Variants in PRKAR1A observed in about 807,000 individuals in gnomAD.
The protein encoded by PRKAR1A is cAMP-dependent protein kinase type I-alpha regulatory subunit.
Under a neutral mutation model 52.0 loss-of-function variants are expected in PRKAR1A, and 3 were observed. The observed-to-expected ratio is 0.06, with a 90% CI of 0.03 to 0.15. The LOEUF is 0.15. Among genes scored for constraint, PRKAR1A ranks in the 10% least tolerant of loss-of-function variants. PRKAR1A has a pLI of 1.00. For missense variants in PRKAR1A, 240 were observed against 477.4 expected, an observed-to-expected ratio of 0.50 and a Z score of 4.63; for synonymous variants, 188 against 168.4, an observed-to-expected ratio of 1.12 and a Z score of -0.90.
At chr17:68,422,738 A>AG in the PRKAR1A span, 211 of 151,078 alleles carry the variant, frequency 1.4e-3, no homozygotes, top group African/African-American at 4.9e-3. Flanking sequence ...TCTCAAAAAA[A>AG]AAAAAAAAAA....
In PRKAR1A at chr17:68,532,692, T is replaced by C; in HGVS notation, c.*2243T>C. The C allele has an allele frequency of 9.4e-7, 1 of 1,066,364 alleles. No homozygotes were observed. The highest frequency in any genetic ancestry group is 5.0e-5 in the East Asian group (1 of 20,102). 66.1% of individuals were successfully genotyped at this position (1,066,364 alleles called of 1,614,324 possible). A position where few individuals can be genotyped will look rare whatever the true frequency, so the allele number is the denominator to read the frequency against. On this transcript the variant is annotated 3_prime_UTR_variant, in exon 11 of 11. Coordinates refer to ENST00000589228, the MANE Select transcript of PRKAR1A (RefSeq NM_002734.5). ...ACCAGTCTGATTATACCATGTGTGC[T>C]AATATACTTTTTTTGTTATAGATTG...
chr17:68,479,887 T>C, the PRKAR1A span, among the ~76,000 whole-genome samples: 1 of 152,232 alleles, frequency 6.6e-6, no homozygotes, highest in African/African-American at 2.4e-5. Context: ...CTTCTTCACA[T>C]GGCAGCAGGA....
At chr17:68,450,900 G>A in the PRKAR1A span, 2 of 1,610,678 alleles carry the variant, frequency 1.2e-6, no homozygotes, top group Non-Finnish European at 1.7e-6. Context: ...GATTTCATCT[G>A]GGAGGAAAAG....
rs896926900 is a variant in PRKAR1A at position 68,533,196 on chromosome 17, A to T, written c.*2747A>T. ...TGCATATATAAAGCCTCATATATAA[A>T]GCCTTATTTCTGATGCTCTTAGATT... On this transcript the variant is annotated 3_prime_UTR_variant, in exon 11 of 11. Transcript: ENST00000589228. The T allele has an allele frequency of 9.5e-7, 1 of 1,055,490 alleles. No individual in the cohort carries two copies. The highest frequency in any genetic ancestry group is 1.1e-6 in the Non-Finnish European group (1 of 870,660). The allele number at this position is 1,055,490 out of a possible 1,614,324, so 65.4% of individuals were successfully genotyped here. A position where few individuals can be genotyped will look rare whatever the true frequency, so the allele number is the denominator to read the frequency against.
At chr17:68,427,283 GAA>G in the PRKAR1A span, 1 of 1,549,680 alleles carries the variant, frequency 6.5e-7, no homozygotes, top group Non-Finnish European at 8.9e-7. Context: ...GGAGGTGAAA[GAA>G]AAAAGAAATC....
At chr17:68,514,531 G>A (rs1463636974) in intron 1 of PRKAR1A, among the ~76,000 whole-genome samples, 1 of 152,058 alleles carries the variant, frequency 6.6e-6, no homozygotes, top group Non-Finnish European at 1.5e-5. Flanking sequence ...ACCATAATTC[G>A]AATCCTCTAA....
At chr17:68,483,121 G>GTT in the PRKAR1A span, among the ~76,000 whole-genome samples, 32,726 of 148,312 alleles carry the variant, frequency 0.22, 3,713 homozygotes, top group South Asian at 0.25. Context: ...TCTAGTTTGA[G>GTT]TTTTTTTTTT....
the PRKAR1A span, among the ~76,000 whole-genome samples, chr17:68,486,473 CCTTCCTTCCTTCCTT>C: frequency 3.6e-5 from 3 of 82,408 alleles, no homozygotes; most frequent in African/African-American, 1.0e-4. Context: ...TTCTTTCTCT[CCTTCCTTCCTTCCTT>C]CCTTCCTTCC....
chr17:68,423,097 C>T, the PRKAR1A span, among the ~76,000 whole-genome samples: 88 of 152,208 alleles, frequency 5.8e-4, 1 homozygote, highest in African/African-American at 2.0e-3. The surrounding 1 kb of genome is among the most constrained non-coding windows in gnomAD (Gnocchi z 4.4). Flanking sequence ...TATGTTTGTT[C>T]GTCACTACAA....
the PRKAR1A span, among the ~76,000 whole-genome samples, chr17:68,495,659 AT>A: frequency 6.6e-6 from 1 of 152,118 alleles, no homozygotes; most frequent in Non-Finnish European, 1.5e-5. Context: ...ATTGTAGCAC[AT>A]TTGTTCTCAT....
intron 11 of PRKAR1A, among the ~76,000 whole-genome samples, chr17:68,547,184 A>T (rs2086610748): frequency 6.6e-6 from 1 of 152,166 alleles, no homozygotes; most frequent in African/African-American, 2.4e-5. Flanking sequence ...TTTGAATGGT[A>T]ATTGAGCATT....
chr17:68,536,349 TTAC>T (rs1386071189), downstream of PRKAR1A: 11 of 453,968 alleles, frequency 2.4e-5, no homozygotes, highest in Non-Finnish European at 4.0e-5. Flanking sequence ...AATGAAGACC[TTAC>T]TGTCCTTTGT....
the PRKAR1A span, among the ~76,000 whole-genome samples, chr17:68,457,880 A>G: frequency 6.6e-6 from 1 of 152,170 alleles, no homozygotes; most frequent in Non-Finnish European, 1.5e-5. Flanking sequence ...GGAGCCGCCC[A>G]GCTGGGAGGG....
At chr17:68,540,852 T>G in intron 11 of PRKAR1A, 1 of 1,598,086 alleles carries the variant, frequency 6.3e-7, no homozygotes, top group Non-Finnish European at 8.5e-7. Context: ...GACCTACCTA[T>G]CAAGAAGTCG....
chr17:68,527,333 A>G (rs1350122737), intron 7 of PRKAR1A, among the ~76,000 whole-genome samples: 1 of 152,198 alleles, frequency 6.6e-6, no homozygotes, highest in Non-Finnish European at 1.5e-5. Flanking sequence ...TAATGGAGGA[A>G]TCTGCATTTA....
chr17:68,535,697 A>G (rs749761417), downstream of PRKAR1A: 10 of 447,814 alleles, frequency 2.2e-5, no homozygotes, highest in Admixed American at 2.4e-4. Flanking sequence ...TTTTTTGTAG[A>G]GACAGGGTTT....
chr17:68,444,420 G>T, the PRKAR1A span: 1 of 1,414,268 alleles, frequency 7.1e-7, no homozygotes, highest in African/African-American at 1.4e-5. Flanking sequence ...GCAATTTGGA[G>T]GAAAATAAAG....
chr17:68,489,539 T>C, the PRKAR1A span, among the ~76,000 whole-genome samples: 7 of 147,866 alleles, frequency 4.7e-5, no homozygotes. Flanking sequence ...TATATATGTA[T>C]ATATGGAAAG....
chr17:68,533,302 A>C lies in PRKAR1A; in HGVS notation c.*2853A>C. ...TCCAGTGAAATTGGAGATATGTTGT[A>C]TGTTAGAAGAGCATTCTTTAAATTG... On this transcript the variant is annotated 3_prime_UTR_variant, in exon 11 of 11. Coordinates refer to ENST00000589228, the MANE Select transcript of PRKAR1A (RefSeq NM_002734.5). 9.4e-7 allele frequency: 1 copy of C among 1,063,892 alleles called. No individual in the cohort carries two copies. The highest frequency in any genetic ancestry group is 1.1e-6 in the Non-Finnish European group (1 of 878,270). 65.9% of individuals were successfully genotyped at this position (1,063,892 alleles called of 1,614,324 possible).
Sources: allele counts gnomAD v4.1 joint callset (sites outside exome capture counted in the v4.1 genomes callset), GRCh38; gene constraint gnomAD v4.1.1; non-coding constraint Gnocchi (gnomAD v3.1); transcripts MANE v1.5; gene names NCBI Gene and HGNC (gene_info 2026-07-23, HGNC 2026-07-21).